The following DOCK7 variants were observed in gnomAD, a reference collection of about 807,000 sequenced individuals.
DOCK7 encodes the protein dedicator of cytokinesis 7, also known as dedicator of cytokinesis protein 7.
A neutral mutation model predicts 271.0 loss-of-function variants in DOCK7; 138 were observed. That is an observed-to-expected ratio of 0.51 (90% CI 0.44 to 0.59). The LOEUF is 0.59. DOCK7 is among the 20% of genes least tolerant of loss of function. The pLI, the probability that DOCK7 is intolerant of heterozygous loss-of-function variation, is 0.00. For missense variants in DOCK7, 2,066 were observed against 2,592.4 expected, an observed-to-expected ratio of 0.80 and a Z score of 4.41; for synonymous variants, 823 against 876.1, an observed-to-expected ratio of 0.94 and a Z score of 1.07.
At chr1:62,578,466 T>A (rs994806111) in intron 17 of DOCK7, among the ~76,000 whole-genome samples, 4 of 152,126 alleles carry the variant, frequency 2.6e-5, no homozygotes, top group African/African-American at 9.7e-5. Context: ...ACGCCTGTAA[T>A]CCTAGCACTT....
Position 62,515,136 on chromosome 1 carries a change from GA to G in DOCK7, c.3937-1239del, listed in dbSNP as rs995486937. Among the ~76,000 whole-genome samples, 820 of 99,464 alleles carry G rather than the reference GA, an allele frequency of 8.2e-3. 5 individuals are homozygous for G. The highest frequency in any genetic ancestry group is 0.029 in the East Asian group (98 of 3,434). The allele number at this position is 99,464 out of a possible 152,430, so 65.3% of individuals were successfully genotyped here. Reference sequence around the variant, plus strand: ...GTATTATTACTCACCTCATCTTACAGAAAAAAAAAAAAAAAAACCTGACCAC... The same window carrying G: ...GTATTATTACTCACCTCATCTTACAGAAAAAAAAAAAAAAAACCTGACCAC... On this transcript the variant is annotated intron_variant, in intron 31 of 49. Transcript: ENST00000635253.
At chr1:62,671,201 C>T (rs1366886926) in intron 1 of DOCK7, among the ~76,000 whole-genome samples, 2 of 152,190 alleles carry the variant, frequency 1.3e-5, no homozygotes, top group East Asian at 3.8e-4. Flanking sequence ...CTGCGAGGGT[C>T]CACGGCTTCA....
At chr1:62,537,223 GTTTA>G (rs1557683072) in intron 28 of DOCK7, among the ~76,000 whole-genome samples, 2 of 152,268 alleles carry the variant, frequency 1.3e-5, no homozygotes, top group East Asian at 3.9e-4. Context: ...TAATTAGTAA[GTTTA>G]TTTAGGTGAA....
chr1:62,594,556 C>T (rs1272297748), intron 14 of DOCK7, among the ~76,000 whole-genome samples: 1 of 152,024 alleles, frequency 6.6e-6, no homozygotes, highest in African/African-American at 2.4e-5. Flanking sequence ...GGTACTAGTG[C>T]TCAGTTACTT....
At chr1:62,603,072 T>C (rs1236821045) in intron 14 of DOCK7, among the ~76,000 whole-genome samples, 1 of 151,790 alleles carries the variant, frequency 6.6e-6, no homozygotes, top group African/African-American at 2.4e-5. Flanking sequence ...TTTAAAAATT[T>C]TGTATTCAAA....
intron 27 of DOCK7, among the ~76,000 whole-genome samples, chr1:62,539,289 T>TA (rs963327544): frequency 6.6e-6 from 1 of 152,174 alleles, no homozygotes; most frequent in African/African-American, 2.4e-5. Flanking sequence ...GAATGAGGAT[T>TA]AAAGAGTCAT....
intron 7 of DOCK7, chr1:62,638,275 G>A (rs762470189): frequency 3.3e-5 from 5 of 151,964 alleles, no homozygotes; most frequent in South Asian, 2.1e-4. Flanking sequence ...CTTCTCTTGC[G>A]CCTTTCGATG....
intron 15 of DOCK7, chr1:62,584,699 A>G: frequency 8.1e-7 from 1 of 1,228,658 alleles, no homozygotes; most frequent in Non-Finnish European, 1.1e-6. Context: ...ACAGGAGTCA[A>G]GATATAGACA....
At chr1:62,475,548 C>G in intron 46 of DOCK7, 159 bp downstream of exon 46, 1 of 1,071,102 alleles carries the variant, frequency 9.3e-7, no homozygotes, top group Admixed American at 2.5e-5. Flanking sequence ...GAATTAGGGT[C>G]TTAGAAAAGA....
In DOCK7 at chr1:62,679,135, A is replaced by G. The variant is rs117977609; in HGVS notation, c.38+9092T>C. On this transcript the variant is annotated intron_variant, in intron 1 of 49. Transcript: ENST00000635253. ...AAAATTAAAATTTCACACCATACAC[A>G]TATCAAGACAAGGTGGAATATAAAC... Among the ~76,000 whole-genome samples, 329 of 152,324 alleles carry G rather than the reference A, an allele frequency of 2.2e-3. 3 individuals carry two copies. The highest frequency in any genetic ancestry group is 0.011 in the Admixed American group (172 of 15,296).
At chr1:62,525,938 A>G (rs187462517) in intron 31 of DOCK7, among the ~76,000 whole-genome samples, 1 of 152,294 alleles carries the variant, frequency 6.6e-6, no homozygotes, top group East Asian at 1.9e-4. Flanking sequence ...TTAAAATAGC[A>G]ACCTTTTTTT....
At chr1:62,494,549 C>G in intron 39 of DOCK7, 82 bp from the exon 40 acceptor site, 1 of 1,350,994 alleles carries the variant, frequency 7.4e-7, no homozygotes, top group Non-Finnish European at 1.0e-6. Flanking sequence ...CAGAGTTTAC[C>G]TAGAAAGGTT....
At chr1:62,553,428 G>A (rs1469336071) in intron 21 of DOCK7, among the ~76,000 whole-genome samples, 2 of 131,704 alleles carry the variant, frequency 1.5e-5, no homozygotes, top group African/African-American at 5.8e-5. Context: ...AGGCAGCACT[G>A]GAGTGCAGCA....
Position 62,465,783 on chromosome 1 carries a change from C to T in DOCK7, c.6213-8078G>A, listed in dbSNP as rs1250810243. 2.0e-5 allele frequency among the ~76,000 whole-genome samples: 3 copies of T among 152,282 alleles called. No individual in the cohort carries two copies. The East Asian group carries it at 5.8e-4, about 29-fold the overall frequency. On this transcript the variant is annotated intron_variant, in intron 48 of 49. Transcript: ENST00000635253. ...GCCAGGCTGGTCTTGAACTCCTGAC[C>T]TCATGATCCACCTGTCTTGGCCTCC...
At chr1:62,542,743 T>A in intron 24 of DOCK7, 40 bp from the exon 25 acceptor site, 1 of 1,572,150 alleles carries the variant, frequency 6.4e-7, no homozygotes, top group Non-Finnish European at 8.7e-7. Context: ...CAAAGTCAAA[T>A]CTGCTGATAA....
In DOCK7 at chr1:62,584,840, A is replaced by C. The variant is rs79214354; in HGVS notation, c.1801-1586T>G. 2.6e-4 allele frequency: 186 copies of C among 721,892 alleles called. No individual in the cohort carries two copies. In the East Asian group the frequency reaches 4.8e-3, roughly 19 times the overall value. 44.7% of individuals were successfully genotyped at this position (721,892 alleles called of 1,614,324 possible). Reference sequence around the variant, plus strand: ...TGCTATGGTAGCACCAAAGAGGGAGAGGTCTAACTGTCGGTATAGGATGGG... The same window carrying C: ...TGCTATGGTAGCACCAAAGAGGGAGCGGTCTAACTGTCGGTATAGGATGGG... On this transcript the variant is annotated intron_variant, in intron 15 of 49. Coordinates refer to ENST00000635253, the MANE Select transcript of DOCK7 (RefSeq NM_001367561.1).
intron 18 of DOCK7, 111 bp downstream of exon 18, chr1:62,577,151 T>A: frequency 1.9e-6 from 1 of 535,632 alleles, no homozygotes; most frequent in Non-Finnish European, 3.0e-6. Context: ...TCCTTCATTA[T>A]CTATAAACTT....
intron 4 of DOCK7, among the ~76,000 whole-genome samples, chr1:62,650,838 G>T (rs566127358): frequency 2.0e-5 from 3 of 151,004 alleles, no homozygotes; most frequent in Admixed American, 6.6e-5. Context: ...CACTTTTACA[G>T]TGTTGGTGGG....
At chr1:62,633,826 T>C (rs1320707849) in intron 9 of DOCK7, 1 of 369,594 alleles carries the variant, frequency 2.7e-6, no homozygotes, top group East Asian at 4.8e-5. Flanking sequence ...GTTAACATCA[T>C]ACTCAATGGT....
Sources: allele counts gnomAD v4.1 joint callset (sites outside exome capture counted in the v4.1 genomes callset), GRCh38; gene constraint gnomAD v4.1.1; transcripts MANE v1.5; gene names NCBI Gene and HGNC (gene_info 2026-07-23, HGNC 2026-07-21).